The following DOCK2 variants were observed in gnomAD, a reference collection of about 807,000 sequenced individuals.
DOCK2 encodes dedicator of cytokinesis 2, also known as dedicator of cytokinesis protein 2.
Under a neutral mutation model 248.9 loss-of-function variants are expected in DOCK2, and 87 were observed. The observed-to-expected ratio is 0.35, with a 90% CI of 0.29 to 0.42. The LOEUF (loss-of-function observed/expected upper bound fraction) is 0.42, where lower values mean the gene tolerates loss of function less well. Among genes scored for constraint, DOCK2 ranks in the 10% least tolerant of loss-of-function variants. DOCK2 has a pLI of 1.00. For synonymous variants in DOCK2, 805 were observed against 821.6 expected (o/e 0.98, Z 0.35); for missense variants, 1,747 against 2,300.2 (o/e 0.76, Z 4.92).
In DOCK2 at chr5:169,698,644, C is replaced by T. The variant is rs1408328753; in HGVS notation, c.1055+195C>T. Among the ~76,000 whole-genome samples, 3 of 152,254 alleles carry T rather than the reference C, an allele frequency of 2.0e-5. No homozygotes were observed. The East Asian group carries it at 5.8e-4, about 29-fold the overall frequency. On this transcript the variant is annotated intron_variant, in intron 11 of 51. Coordinates refer to ENST00000520908, the MANE Select transcript of DOCK2 (RefSeq NM_004946.3). ...AACAGCTCTTCAGCCATTCATTCAT[C>T]AGATGTTATTTATGCCACAGACATT... is the stretch of plus-strand genomic sequence containing the variant.
intron 44 of DOCK2, among the ~76,000 whole-genome samples, chr5:170,066,687 TTGTTTC>T (rs1416288248): frequency 1.3e-4 from 20 of 152,284 alleles, no homozygotes; most frequent in East Asian, 1.2e-3. Context: ...TTTATTTAGT[TTGTTTC>T]TGTTTAGTTC....
At chr5:169,990,234 C>T (rs1581509370) in intron 29 of DOCK2, among the ~76,000 whole-genome samples, 1 of 152,010 alleles carries the variant, frequency 6.6e-6, no homozygotes, top group Non-Finnish European at 1.5e-5. Context: ...CAGTAGCTGG[C>T]ATTACAGGTG....
intron 24 of DOCK2, chr5:169,761,194 A>C (rs1365697092): frequency 5.8e-6 from 1 of 173,514 alleles, no homozygotes. Flanking sequence ...CTAACTTATA[A>C]AATTGGGATA....
At chr5:169,994,270 G>A (rs185735494) in intron 29 of DOCK2, among the ~76,000 whole-genome samples, 8 of 152,300 alleles carry the variant, frequency 5.3e-5, no homozygotes, top group Admixed American at 2.6e-4. Context: ...GTATGTGAGA[G>A]CATAGAGGGA....
chr5:169,690,561 G>C (rs1249938919), intron 9 of DOCK2, among the ~76,000 whole-genome samples: 1 of 152,206 alleles, frequency 6.6e-6, no homozygotes, highest in Non-Finnish European at 1.5e-5. Context: ...CTTAGGCAAA[G>C]TTTTCTTGGC....
In DOCK2 at chr5:169,643,440, G is replaced by A. The variant is rs551337295; in HGVS notation, c.43+6071G>A. On this transcript the variant is annotated intron_variant, in intron 1 of 51. Transcript: ENST00000520908. Reference sequence around the variant, plus strand: ...GGGGCGGGGCGGGAGGGATGGTTTCGGGATGAAGCTGTTCCACTTCAGATC... The same window carrying A: ...GGGGCGGGGCGGGAGGGATGGTTTCAGGATGAAGCTGTTCCACTTCAGATC... Among the ~76,000 whole-genome samples, 10 of 152,210 alleles carry A rather than the reference G, an allele frequency of 6.6e-5. No homozygotes were observed. In the South Asian group the frequency reaches 1.0e-3, roughly 16 times the overall value.
At chr5:170,077,538 C>T (rs1040681618) in intron 47 of DOCK2, among the ~76,000 whole-genome samples, 172 bp from the exon 48 acceptor site, 1 of 152,212 alleles carries the variant, frequency 6.6e-6, no homozygotes, top group Non-Finnish European at 1.5e-5. Flanking sequence ...AGGTCATCCA[C>T]ATTCTTCATT....
intron 25 of DOCK2, among the ~76,000 whole-genome samples, chr5:169,770,614 T>G: frequency 6.6e-6 from 1 of 152,210 alleles, no homozygotes; most frequent in Non-Finnish European, 1.5e-5. Context: ...GAATCTTTTG[T>G]TAATCATTCC....
At chr5:170,068,740 C>T (rs1436417624) in intron 45 of DOCK2, among the ~76,000 whole-genome samples, 3 of 152,204 alleles carry the variant, frequency 2.0e-5, no homozygotes, top group African/African-American at 7.2e-5. Flanking sequence ...GAGCAATGTT[C>T]TCAAACTTGA....
chr5:170,057,722 C>A, intron 44 of DOCK2, 56 bp downstream of exon 44: 1 of 1,479,580 alleles, frequency 6.8e-7, no homozygotes. Context: ...CAGGGCACAG[C>A]CAGTCTCCAA....
intron 44 of DOCK2, among the ~76,000 whole-genome samples, chr5:170,057,990 C>T (rs1459991911): frequency 6.6e-6 from 1 of 152,120 alleles, no homozygotes; most frequent in Non-Finnish European, 1.5e-5. Flanking sequence ...TTCCATCTCC[C>T]CCTCATACTC....
At chr5:169,768,065 C>T (rs533045878) in intron 25 of DOCK2, among the ~76,000 whole-genome samples, 8 of 152,252 alleles carry the variant, frequency 5.3e-5, no homozygotes, top group Middle Eastern at 3.4e-3. Flanking sequence ...ATGTGGCCTC[C>T]CTGTAGCAGG....
intron 1 of DOCK2, among the ~76,000 whole-genome samples, chr5:169,639,765 G>A (rs1282058623): frequency 6.6e-6 from 1 of 152,236 alleles, no homozygotes; most frequent in Non-Finnish European, 1.5e-5. Flanking sequence ...AATGTAGTCT[G>A]TAATGTAGGC....
Position 170,027,957 on chromosome 5 carries a change from A to AT in DOCK2, c.3467+9_3467+10insT. The AT allele has an allele frequency of 6.2e-7, 1 of 1,610,268 alleles. No individual in the cohort carries two copies. The highest frequency in any genetic ancestry group is 8.5e-7 in the Non-Finnish European group (1 of 1,177,816). Reference sequence around the variant, plus strand: ...CAGCTCCTGGAGTCAATGTAAGTTCAGTGCCCTGTGTGTAGGAACAGCCTG... The same window carrying AT: ...CAGCTCCTGGAGTCAATGTAAGTTCATGTGCCCTGTGTGTAGGAACAGCCTG... On this transcript the variant is annotated intron_variant, in intron 34 of 51. Transcript: ENST00000520908.
chr5:169,640,259 A>G (rs925357502), intron 1 of DOCK2, among the ~76,000 whole-genome samples: 3 of 152,230 alleles, frequency 2.0e-5, no homozygotes, highest in Non-Finnish European at 4.4e-5. Context: ...GGTCTCTGGC[A>G]TGGTATTTTG....
chr5:169,676,193 G>A (rs1759327137), intron 6 of DOCK2, among the ~76,000 whole-genome samples: 1 of 152,166 alleles, frequency 6.6e-6, no homozygotes, highest in South Asian at 2.1e-4. Flanking sequence ...CCCGGGGTAG[G>A]TGCTCTTGAA....
chr5:170,025,321 G>A (rs887873264), intron 33 of DOCK2, among the ~76,000 whole-genome samples: 2 of 152,230 alleles, frequency 1.3e-5, no homozygotes, highest in African/African-American at 4.8e-5. Context: ...ATGCCAATTT[G>A]TGTATGTGTT....
chr5:169,714,516 G>T (rs915765965), intron 19 of DOCK2, 59 bp downstream of exon 19: 1 of 1,586,138 alleles, frequency 6.3e-7, no homozygotes, highest in African/African-American at 1.3e-5. Context: ...CTCCATGTGG[G>T]TGGCTTCAGG....
At chr5:169,829,443 T>C (rs1769084775) in intron 26 of DOCK2, among the ~76,000 whole-genome samples, 1 of 152,234 alleles carries the variant, frequency 6.6e-6, no homozygotes, top group Non-Finnish European at 1.5e-5. Flanking sequence ...GTACAATTTC[T>C]GTTAAGCTTT....
Sources: allele counts gnomAD v4.1 joint callset (sites outside exome capture counted in the v4.1 genomes callset), GRCh38; gene constraint gnomAD v4.1.1; transcripts MANE v1.5; gene names NCBI Gene and HGNC (gene_info 2026-07-23, HGNC 2026-07-21).